The following CLPB variants were observed in gnomAD, a reference collection of about 807,000 sequenced individuals.
CLPB encodes the protein ClpB family mitochondrial disaggregase.
CLPB carries 40 observed loss-of-function variants against 78.4 expected under a neutral mutation model. The ratio of observed to expected loss-of-function variants is 0.51; its 90% CI spans 0.40 to 0.66. The LOEUF (loss-of-function observed/expected upper bound fraction) is 0.66, where lower values mean the gene tolerates loss of function less well. CLPB is among the 30% of genes least tolerant of loss of function. The probability of loss-of-function intolerance (pLI) is 0.00; values close to 1 mark genes in which losing one functional copy is unlikely to be tolerated. For missense variants in CLPB, 780 were observed against 886.9 expected (o/e 0.88, Z 1.53); for synonymous variants, 333 against 348.0 (o/e 0.96, Z 0.48).
chr11:72,351,743 T>C (rs1339402003), intron 5 of CLPB, among the ~76,000 whole-genome samples: 3 of 152,038 alleles, frequency 2.0e-5, no homozygotes, highest in Non-Finnish European at 4.4e-5. Context: ...GGCTAATTTT[T>C]GTATTTTTAG....
intron 3 of CLPB, among the ~76,000 whole-genome samples, chr11:72,402,146 G>A (rs1429021809): frequency 6.6e-6 from 1 of 152,050 alleles, no homozygotes; most frequent in African/African-American, 2.4e-5. Context: ...TGTAGTCCTA[G>A]CTACTCAGGA....
rs543965678 is a variant in CLPB at position 72,350,353 on chromosome 11, C to T, written c.775+8527G>A. ...AAGCTAAATGACAGGCTAACATCCA[C>T]ATTTTGAGTCTCAGTGTAAATGCCA... On this transcript the variant is annotated intron_variant, in intron 5 of 15. Coordinates refer to ENST00000538039, the MANE Select transcript of CLPB (RefSeq NM_001258392.3). 2.0e-5 allele frequency among the ~76,000 whole-genome samples: 3 copies of T among 152,326 alleles called. No individual in the cohort carries two copies. The South Asian group carries it at 6.2e-4, about 32-fold the overall frequency.
At chr11:72,295,792 T>G (rs555576998) in intron 11 of CLPB, 144 bp from the exon 12 acceptor site, 5 of 772,378 alleles carry the variant, frequency 6.5e-6, no homozygotes, top group Non-Finnish European at 1.1e-5. Flanking sequence ...CTTCCTCCTC[T>G]GGGTTCTCCG....
In CLPB at chr11:72,287,975, T is replaced by C. The variant is rs1949409922; in HGVS notation, c.*5392A>G. ...TTTATTCTTTTTCTTTTTCCTACCT[T>C]GTTAAGTTTAGCTTTTATCTTTATT... On this transcript the variant is annotated 3_prime_UTR_variant, in exon 16 of 16. Transcript: ENST00000538039. 6.6e-6 allele frequency: 1 copy of C among 152,182 alleles called. No homozygotes were observed. The highest frequency in any genetic ancestry group is 6.5e-5 in the Admixed American group (1 of 15,288). The allele number at this position is 152,182 out of a possible 1,614,324, so 9.4% of individuals were successfully genotyped here.
intron 3 of CLPB, among the ~76,000 whole-genome samples, chr11:72,382,909 A>C (rs544816978): frequency 1.1e-4 from 17 of 151,876 alleles, no homozygotes; most frequent in African/African-American, 4.1e-4. Context: ...AATTAAAAAT[A>C]ATTGTTTTAA....
At chr11:72,323,170 G>A (rs1156338121) in intron 6 of CLPB, among the ~76,000 whole-genome samples, 1 of 152,126 alleles carries the variant, frequency 6.6e-6, no homozygotes, top group Non-Finnish European at 1.5e-5. Flanking sequence ...AAACCCCACA[G>A]GGTGTTCTTG....
rs1856646772 is a variant in CLPB, at chr11:72,434,280, T to C, written c.195A>G (p.Gly65=). 2 of 1,612,138 alleles carry C rather than the reference T, an allele frequency of 1.2e-6. No individual in the cohort carries two copies. Among genetic ancestry groups the C allele is most frequent in the Non-Finnish European group, 8.5e-7 (1 of 1,179,528 alleles). Residue 65 remains glycine, a synonymous_variant, in exon 1 of 16, where the codon GGA becomes GGG. Coordinates refer to ENST00000538039, the MANE Select transcript of CLPB (RefSeq NM_001258392.3). The stretch of plus-strand genomic sequence containing the variant: ...GGCGCCCCCCGGTGGCTGCCCCACG[T>C]CCGGAGAACAAGGCCGGCGATGTTC... The part of the protein sequence containing the change: ...RPGTSPALFS[G]RGAATGGRQG...
intron 5 of CLPB, chr11:72,337,072 C>T: frequency 2.5e-6 from 1 of 398,684 alleles, no homozygotes; most frequent in Non-Finnish European, 4.4e-6. Context: ...TCTTCACATC[C>T]AGTATGTATG....
chr11:72,288,641 C>T lies in CLPB; in HGVS notation c.*4726G>A, dbSNP rs1351186657. 1 of 152,400 alleles carries T rather than the reference C, an allele frequency of 6.6e-6. No homozygotes were observed. The highest frequency in any genetic ancestry group is 1.5e-5 in the Non-Finnish European group (1 of 68,090). 9.4% of individuals were successfully genotyped at this position (152,400 alleles called of 1,614,324 possible). A position where few individuals can be genotyped will look rare whatever the true frequency, so the allele number is the denominator to read the frequency against. ...CCAGAGCCCACTGAGAAGATCTGCA[C>T]TTGCTGCAGGTCCCATCCACTCACC... On this transcript the variant is annotated 3_prime_UTR_variant, in exon 16 of 16. Transcript: ENST00000538039.
chr11:72,422,073 T>C (rs1034962644), intron 2 of CLPB, among the ~76,000 whole-genome samples: 19 of 150,818 alleles, frequency 1.3e-4, no homozygotes, highest in South Asian at 8.4e-4. Flanking sequence ...CGAGACCATC[T>C]TGGCTAACAT....
chr11:72,337,107 C>CAT (rs1950336582), intron 5 of CLPB: 3 of 398,670 alleles, frequency 7.5e-6, no homozygotes, highest in Non-Finnish European at 8.8e-6. Flanking sequence ...AGAGCCAATT[C>CAT]TCCTCTACTT....
At chr11:72,369,115 T>C (rs1950996998) in intron 4 of CLPB, among the ~76,000 whole-genome samples, 3 of 152,286 alleles carry the variant, frequency 2.0e-5, no homozygotes, top group Non-Finnish European at 1.5e-5. Context: ...GACAGGCTAT[T>C]GTCCCTGCCT....
chr11:72,375,978 G>A (rs1351173062), intron 4 of CLPB, among the ~76,000 whole-genome samples: 1 of 152,116 alleles, frequency 6.6e-6, no homozygotes, highest in Non-Finnish European at 1.5e-5. Context: ...TTCCTTCCAA[G>A]GGCCACAGAA....
intron 4 of CLPB, among the ~76,000 whole-genome samples, chr11:72,375,520 A>C (rs151288283): frequency 6.1e-4 from 93 of 152,218 alleles, no homozygotes; most frequent in African/African-American, 2.2e-3. Context: ...CTTCCTGGCA[A>C]TCTCCAACTC....
chr11:72,416,435 T>C (rs992207920), intron 2 of CLPB, among the ~76,000 whole-genome samples: 2 of 152,088 alleles, frequency 1.3e-5, no homozygotes, highest in African/African-American at 4.8e-5. Context: ...GCCTTAAGAA[T>C]GAATAAATGC....
chr11:72,365,271 G>A (rs1390908405), intron 4 of CLPB, among the ~76,000 whole-genome samples: 4 of 152,166 alleles, frequency 2.6e-5, no homozygotes, highest in Admixed American at 6.5e-5. Context: ...ATAGTGAGCC[G>A]TGATCACACC....
rs77540588 is a variant in CLPB, at chr11:72,412,672, G to C, written c.456-9620C>G. On this transcript the variant is annotated intron_variant, in intron 2 of 15. Coordinates refer to ENST00000538039, the MANE Select transcript of CLPB (RefSeq NM_001258392.3). ...GTCATCTTACCCTATCAGCCTGTCA[G>C]CCCTACCTAACATGGGTGCTGAGAT... Among the ~76,000 whole-genome samples the C allele has an allele frequency of 8.7e-3, 1,320 of 152,272 alleles. 16 individuals carry two copies. The highest frequency in any genetic ancestry group is 0.03 in the African/African-American group (1,264 of 41,546).
rs770042525 is a variant in CLPB, at chr11:72,295,690, TGCCTGGGCAGGCCTTA to T, written c.1330-58_1330-43del. ...GGGAGTGTACAGTCAGGGAGCTATG[TGCCTGGGCAGGCCTTA>T]GCACTCTCAGTTCTCACCTCCTTCA... On this transcript the variant is annotated intron_variant, in intron 11 of 15. Transcript: ENST00000538039. The T allele has an allele frequency of 2.5e-6, 4 of 1,605,060 alleles. No individual in the cohort carries two copies. In the East Asian group the frequency reaches 8.9e-5, roughly 36 times the overall value.
chr11:72,408,666 C>CAAAAA lies in CLPB; in HGVS notation c.456-5619_456-5615dup, dbSNP rs576990524. 4.0e-3 allele frequency among the ~76,000 whole-genome samples: 249 copies of CAAAAA among 61,608 alleles called. 2 individuals are homozygous for CAAAAA. The highest frequency in any genetic ancestry group is 6.5e-3 in the Non-Finnish European group (169 of 26,048). 40.4% of individuals were successfully genotyped at this position (61,608 alleles called of 152,430 possible). On this transcript the variant is annotated intron_variant, in intron 2 of 15. Coordinates refer to ENST00000538039, the MANE Select transcript of CLPB (RefSeq NM_001258392.3). ...CGGGTGACAGGGCAAGACTCTGTCT[C>CAAAAA]AAAAAAAAAAAAAAAAAAAAAGAAA...
Sources: gnomAD v4.1 joint callset for allele counts (sites outside exome capture counted in the v4.1 genomes callset) on GRCh38, gnomAD v4.1.1 for gene constraint, MANE v1.5 for transcripts, NCBI Gene and HGNC (gene_info 2026-07-23, HGNC 2026-07-21) for gene names.